Variants in CACNA2D3 observed in about 807,000 individuals in gnomAD.
CACNA2D3 encodes calcium voltage-gated channel auxiliary subunit alpha2delta 3, also known as voltage-dependent calcium channel subunit alpha-2/delta-3.
CACNA2D3 carries 60 observed loss-of-function variants against 160.6 expected under a neutral mutation model. The ratio of observed to expected loss-of-function variants is 0.37; its 90% CI spans 0.30 to 0.46. The LOEUF (loss-of-function observed/expected upper bound fraction) is 0.46, where lower values mean the gene tolerates loss of function less well. Among genes scored for constraint, CACNA2D3 ranks in the 20% least tolerant of loss-of-function variants. The pLI is 1.00. For synonymous variants in CACNA2D3, 558 were observed against 492.9 expected (o/e 1.13, Z -1.75); for missense variants, 1,205 against 1,365.0 (o/e 0.88, Z 1.85).
At chr3:54,806,079 A>G (rs1323205257) in intron 13 of CACNA2D3, among the ~76,000 whole-genome samples, 7 of 152,204 alleles carry the variant, frequency 4.6e-5, no homozygotes, top group African/African-American at 1.7e-4. Flanking sequence ...ATCTATGACA[A>G]ACCCACAGCC....
intron 14 of CACNA2D3, among the ~76,000 whole-genome samples, chr3:54,821,735 C>T (rs1229265964): frequency 5.6e-5 from 8 of 142,268 alleles, no homozygotes; most frequent in African/African-American, 7.6e-5. Context: ...CTCTCTCTCT[C>T]TTTCTCTCTC....
rs543345687 is a variant in CACNA2D3 at position 54,285,769 on chromosome 3, AC to A, written c.205-34671del. Among the ~76,000 whole-genome samples, 314 of 152,320 alleles carry A rather than the reference AC, an allele frequency of 2.1e-3. 1 individual carries two copies. The highest frequency in any genetic ancestry group is 3.5e-3 in the Non-Finnish European group (235 of 68,026). The stretch of plus-strand genomic sequence containing the variant: ...GATCAGGCAGCAGCATTTGCGGTTC[AC>A]CAAAATCCGCTGTTCTGCAGCCAGC... On this transcript the variant is annotated intron_variant, in intron 2 of 37. Coordinates refer to ENST00000474759, the MANE Select transcript of CACNA2D3 (RefSeq NM_018398.3).
At chr3:55,018,178 AC>A (rs1236185302) in intron 34 of CACNA2D3, 27 bp from the exon 35 acceptor site, 36 of 1,451,564 alleles carry the variant, frequency 2.5e-5, no homozygotes, top group Non-Finnish European at 3.5e-5. Context: ...TGCATTCTTT[AC>A]CTTTTTTTTT....
intron 10 of CACNA2D3, chr3:54,632,121 A>G (rs1342205908): frequency 6.6e-6 from 1 of 152,236 alleles, no homozygotes; most frequent in Non-Finnish European, 1.5e-5. Context: ...AAGAGAAAAG[A>G]TATTACTCAT....
At chr3:54,773,363 G>A (rs904906339) in intron 13 of CACNA2D3, among the ~76,000 whole-genome samples, 1 of 152,192 alleles carries the variant, frequency 6.6e-6, no homozygotes, top group African/African-American at 2.4e-5. Flanking sequence ...CCAAGACACT[G>A]CTGCATATCA....
At chr3:54,855,598 A>AG (rs1699151882) in intron 17 of CACNA2D3, among the ~76,000 whole-genome samples, 1 of 152,230 alleles carries the variant, frequency 6.6e-6, no homozygotes, top group Non-Finnish European at 1.5e-5. Context: ...AGAAAAGTGA[A>AG]GGAGGGAGAG....
At chr3:54,738,694 C>G (rs1701579667) in intron 11 of CACNA2D3, among the ~76,000 whole-genome samples, 1 of 152,182 alleles carries the variant, frequency 6.6e-6, no homozygotes. Flanking sequence ...TAAGTTCTGC[C>G]TATGGGTTTA....
intron 2 of CACNA2D3, among the ~76,000 whole-genome samples, chr3:54,131,421 G>A (rs926041089): frequency 6.6e-6 from 1 of 152,218 alleles, no homozygotes; most frequent in African/African-American, 2.4e-5. Context: ...CCAGAGTGAG[G>A]TCCTTATGCC....
chr3:54,285,647 G>C (rs1196468335), intron 2 of CACNA2D3, among the ~76,000 whole-genome samples: 1 of 152,218 alleles, frequency 6.6e-6, no homozygotes, highest in Non-Finnish European at 1.5e-5. Flanking sequence ...GTGGGTCCCT[G>C]ACCCCCGAGC....
chr3:54,327,436 G>C (rs1473517440), intron 3 of CACNA2D3, among the ~76,000 whole-genome samples: 1 of 152,180 alleles, frequency 6.6e-6, no homozygotes, highest in African/African-American at 2.4e-5. Flanking sequence ...TGGGGGTGTT[G>C]GCCTGTAGAA....
chr3:54,492,853 C>T (rs377603283), intron 4 of CACNA2D3, among the ~76,000 whole-genome samples: 110 of 152,212 alleles, frequency 7.2e-4, no homozygotes, highest in African/African-American at 2.3e-3. Flanking sequence ...TTCTACAGCT[C>T]GTTCTCTGGA....
intron 25 of CACNA2D3, 164 bp from the exon 26 acceptor site, chr3:54,896,585 C>T: frequency 2.9e-6 from 2 of 688,600 alleles, no homozygotes; most frequent in Non-Finnish European, 2.5e-6. Context: ...TTTGAGTAAT[C>T]TGGGGTGCAC....
chr3:54,649,650 GGAA>G (rs1286569860), intron 11 of CACNA2D3, among the ~76,000 whole-genome samples: 1 of 152,138 alleles, frequency 6.6e-6, no homozygotes, highest in African/African-American at 2.4e-5. Flanking sequence ...AGTCAAATGA[GGAA>G]GCAAGCTCTC....
chr3:54,918,332 CTTTTTTTT>C (rs533596688), intron 27 of CACNA2D3: 452 of 227,688 alleles, frequency 2.0e-3, no homozygotes, highest in East Asian at 4.8e-3. Context: ...TTTTTTTTTT[CTTTTTTTT>C]TTTTTTTTTT....
intron 4 of CACNA2D3, among the ~76,000 whole-genome samples, chr3:54,411,085 G>C (rs1043912162): frequency 6.6e-6 from 1 of 152,196 alleles, no homozygotes; most frequent in African/African-American, 2.4e-5. Context: ...CTGAAAATGT[G>C]ACTGATTTGC....
At chr3:54,483,599 T>G (rs2106904800) in intron 4 of CACNA2D3, among the ~76,000 whole-genome samples, 1 of 152,338 alleles carries the variant, frequency 6.6e-6, no homozygotes, top group East Asian at 1.9e-4. Flanking sequence ...TTTAATTTTT[T>G]ATCCTATTTA....
Position 54,449,656 on chromosome 3 carries a change from A to C in CACNA2D3, c.382-53836A>C, listed in dbSNP as rs1047717237. Among the ~76,000 whole-genome samples, 5 of 152,110 alleles carry C rather than the reference A, an allele frequency of 3.3e-5. No individual in the cohort carries two copies. In the East Asian group the frequency reaches 9.7e-4, roughly 29 times the overall value. On this transcript the variant is annotated intron_variant, in intron 4 of 37. Coordinates refer to ENST00000474759, the MANE Select transcript of CACNA2D3 (RefSeq NM_018398.3). ...TGGTGCTGTTGTTGAGATAGTTCTC[A>C]TGGGATCTGGTTGTTTACAAGTGTG...
chr3:55,004,715 C>G, intron 31 of CACNA2D3, 48 bp from the exon 32 acceptor site: 1 of 1,282,418 alleles, frequency 7.8e-7, no homozygotes, highest in Non-Finnish European at 1.1e-6. Context: ...TCAATTGGTT[C>G]CCGTGTTTTC....
At chr3:54,517,597 G>A (rs974218306) in intron 5 of CACNA2D3, among the ~76,000 whole-genome samples, 1 of 152,160 alleles carries the variant, frequency 6.6e-6, no homozygotes, top group African/African-American at 2.4e-5. Context: ...GAGCTGTTGC[G>A]TTCCTTCAAC....
Sources: allele counts gnomAD v4.1 joint callset (sites outside exome capture counted in the v4.1 genomes callset), GRCh38; gene constraint gnomAD v4.1.1; transcripts MANE v1.5; gene names NCBI Gene and HGNC (gene_info 2026-07-23, HGNC 2026-07-21).